The following FMN1 variants were observed in gnomAD, a reference collection of about 807,000 sequenced individuals.
The protein encoded by FMN1 is formin 1.
FMN1 carries 110 observed loss-of-function variants against 132.4 expected under a neutral mutation model. The ratio of observed to expected loss-of-function variants is 0.83; its 90% CI spans 0.71 to 0.97. The LOEUF (loss-of-function observed/expected upper bound fraction) is 0.97, where lower values mean the gene tolerates loss of function less well. Ranked by LOEUF, FMN1 falls within the 50% of genes least tolerant of loss-of-function variation. The pLI is 0.00. For missense variants in FMN1, 1,792 were observed against 1,705.3 expected, an observed-to-expected ratio of 1.05 and a Z score of -0.90; for synonymous variants, 722 against 651.7, an observed-to-expected ratio of 1.11 and a Z score of -1.64.
At chr15:32,908,449 T>G (rs778149922) in intron 12 of FMN1, 41 bp downstream of exon 12, 1 of 1,322,354 alleles carries the variant, frequency 7.6e-7, no homozygotes, top group Non-Finnish European at 1.1e-6. Flanking sequence ...GAAATTGCAG[T>G]TCTCCTTTTG....
At chr15:32,974,857 T>A (rs2032076421) in intron 7 of FMN1, among the ~76,000 whole-genome samples, 1 of 152,234 alleles carries the variant, frequency 6.6e-6, no homozygotes, top group South Asian at 2.1e-4. Context: ...CTTTCCTAAT[T>A]GTGATTGCCC....
intron 6 of FMN1, among the ~76,000 whole-genome samples, chr15:33,036,006 C>T (rs2036175512): frequency 6.6e-6 from 1 of 152,076 alleles, no homozygotes; most frequent in African/African-American, 2.4e-5. Flanking sequence ...TTCACCATAC[C>T]CCACACCACC....
intron 9 of FMN1, among the ~76,000 whole-genome samples, chr15:32,938,999 G>A (rs1186467483): frequency 6.6e-6 from 1 of 152,172 alleles, no homozygotes; most frequent in African/African-American, 2.4e-5. Flanking sequence ...CATTTTCAAA[G>A]GGAAGAGGGA....
At chr15:33,101,989 T>TAC (rs2039311237) in intron 4 of FMN1, among the ~76,000 whole-genome samples, 1 of 152,164 alleles carries the variant, frequency 6.6e-6, no homozygotes, top group African/African-American at 2.4e-5. Flanking sequence ...AGACAAGTGC[T>TAC]ACCCATCCTT....
chr15:33,129,583 G>T (rs1247414323), intron 4 of FMN1, among the ~76,000 whole-genome samples: 1 of 152,124 alleles, frequency 6.6e-6, no homozygotes, highest in African/African-American at 2.4e-5. Context: ...GACCTTATGA[G>T]TCTCACAACC....
At position 32,900,090 on chromosome 15, in the gene FMN1, T is replaced by C; in HGVS notation, c.3543A>G (p.Leu1181=). Residue 1181 remains leucine (L), a synonymous_variant, in exon 14 of 21, where the codon TTA becomes TTG. Coordinates refer to ENST00000616417, the MANE Select transcript of FMN1 (RefSeq NM_001277313.2). Reference sequence around the variant, plus strand: ...AATTTCCAAAAGCCAAGATGAGAGCTAAAATATCCTTCACGCTCTTCACGT... The same window carrying C: ...AATTTCCAAAAGCCAAGATGAGAGCCAAAATATCCTTCACGCTCTTCACGT... ...LLHVKSVKDI[L]ALILAFGNYM... 2 of 1,613,896 alleles carry C rather than the reference T, an allele frequency of 1.2e-6. No individual in the cohort carries two copies. Among genetic ancestry groups the C allele is most frequent in the African/African-American group, 2.7e-5 (2 of 75,060 alleles).
intron 4 of FMN1, among the ~76,000 whole-genome samples, chr15:33,136,461 G>A (rs1963770524): frequency 6.6e-6 from 1 of 152,150 alleles, no homozygotes; most frequent in Non-Finnish European, 1.5e-5. Flanking sequence ...ATAGGACTAT[G>A]GAATAGTTCT....
intron 7 of FMN1, among the ~76,000 whole-genome samples, chr15:32,985,323 T>G (rs1271099999): frequency 1.3e-5 from 2 of 151,912 alleles, no homozygotes; most frequent in African/African-American, 4.8e-5. Context: ...TTCCTCCCTT[T>G]GAGATTATCC....
At chr15:32,870,509 G>A (rs1408174444) in intron 16 of FMN1, among the ~76,000 whole-genome samples, 1 of 152,176 alleles carries the variant, frequency 6.6e-6, no homozygotes. Context: ...GGACATGCTA[G>A]TGCGCTTTAG....
chr15:32,954,992 A>C lies in FMN1; in HGVS notation c.3138+9115T>G, dbSNP rs547904161. Reference sequence around the variant, plus strand: ...TGAGACTTTTTGTCTCAAAACAAACAAAAAAATAAGCTGTGGGGTTGTTGC... The same window carrying C: ...TGAGACTTTTTGTCTCAAAACAAACCAAAAAATAAGCTGTGGGGTTGTTGC... On this transcript the variant is annotated intron_variant, in intron 9 of 20. Coordinates refer to ENST00000616417, the MANE Select transcript of FMN1 (RefSeq NM_001277313.2). Among the ~76,000 whole-genome samples, 15 of 152,298 alleles carry C rather than the reference A, an allele frequency of 9.8e-5. No individual in the cohort carries two copies. In the South Asian group the frequency reaches 2.9e-3, roughly 29 times the overall value.
chr15:33,191,257 T>C (rs1452081033), intron 2 of FMN1, among the ~76,000 whole-genome samples: 1 of 152,152 alleles, frequency 6.6e-6, no homozygotes, highest in Non-Finnish European at 1.5e-5. Flanking sequence ...AGCGTTTCAT[T>C]TGAAAGGTGT....
intron 15 of FMN1, among the ~76,000 whole-genome samples, chr15:32,892,758 C>T (rs1054234884): frequency 2.6e-5 from 4 of 152,006 alleles, no homozygotes; most frequent in South Asian, 2.1e-4. Context: ...GGTCTGTTCA[C>T]GGTATCTAAT....
Position 33,107,190 on chromosome 15 carries a change from G to T in FMN1, c.1868-18216C>A, listed in dbSNP as rs865836829. On this transcript the variant is annotated intron_variant, in intron 4 of 20. Coordinates refer to ENST00000616417, the MANE Select transcript of FMN1 (RefSeq NM_001277313.2). ...TAAATTTTATAAGCAAGACCTGTTT[G>T]CTCTACCACCAAACAGTATCCCAAA... Among the ~76,000 whole-genome samples, 9 of 151,920 alleles carry T rather than the reference G, an allele frequency of 5.9e-5. No individual in the cohort carries two copies. In the South Asian group the frequency reaches 6.3e-4, roughly 11 times the overall value.
intron 4 of FMN1, among the ~76,000 whole-genome samples, 182 bp from the exon 5 acceptor site, chr15:33,089,156 C>A (rs1300048721): frequency 2.0e-5 from 3 of 152,320 alleles, no homozygotes; most frequent in East Asian, 3.9e-4. Context: ...CTAGATCACA[C>A]CAACAAAAAT....
At chr15:33,076,117 G>A (rs951335134) in intron 5 of FMN1, among the ~76,000 whole-genome samples, 20 of 152,212 alleles carry the variant, frequency 1.3e-4, no homozygotes, top group African/African-American at 3.9e-4. Context: ...GGGGCAGGGG[G>A]ATGAGGGTTG....
chr15:33,002,275 T>A (rs1402310479), intron 7 of FMN1, among the ~76,000 whole-genome samples: 1 of 152,164 alleles, frequency 6.6e-6, no homozygotes, highest in African/African-American at 2.4e-5. Context: ...CCATAACTTG[T>A]ATATGGAGAA....
chr15:32,866,323 GAA>G (rs1427838359), intron 16 of FMN1, among the ~76,000 whole-genome samples: 1 of 151,840 alleles, frequency 6.6e-6, no homozygotes, highest in Non-Finnish European at 1.5e-5. Flanking sequence ...TATTTGGCTG[GAA>G]AAGTTATTTA....
In FMN1 at chr15:32,782,968, T is replaced by C. The variant is rs145204132; in HGVS notation, c.4131-6049A>G. ...TAAACAGTGGTTACACATGGACATA[T>C]AGAGGGAAATAACAGACGCTGGGGG... On this transcript the variant is annotated intron_variant, in intron 19 of 20. Coordinates refer to ENST00000616417, the MANE Select transcript of FMN1 (RefSeq NM_001277313.2). Among the ~76,000 whole-genome samples, 74 of 145,464 alleles carry C rather than the reference T, an allele frequency of 5.1e-4. No homozygotes were observed. The East Asian group carries it at 0.011, about 22-fold the overall frequency.
At chr15:32,791,626 A>G (rs1214655486) in intron 19 of FMN1, among the ~76,000 whole-genome samples, 3 of 152,232 alleles carry the variant, frequency 2.0e-5, no homozygotes, top group Non-Finnish European at 4.4e-5. Context: ...GTGAGAGATG[A>G]TAGAGTCCTG....
Sources: gnomAD v4.1 joint callset for allele counts (sites outside exome capture counted in the v4.1 genomes callset) on GRCh38, gnomAD v4.1.1 for gene constraint, MANE v1.5 for transcripts, NCBI Gene and HGNC (gene_info 2026-07-23, HGNC 2026-07-21) for gene names.